Variants in RPAP2 observed in about 807,000 individuals in gnomAD.
RPAP2 encodes the protein RNA polymerase II associated protein 2.
A neutral mutation model predicts 73.1 loss-of-function variants in RPAP2; 52 were observed. The ratio of observed to expected loss-of-function variants is 0.71; its 90% confidence interval spans 0.57 to 0.90. The LOEUF is 0.90. Among genes scored for constraint, RPAP2 ranks in the 40% least tolerant of loss-of-function variants. The pLI, the probability that RPAP2 is intolerant of heterozygous loss-of-function variation, is 0.00. For missense variants in RPAP2, 598 were observed against 701.8 expected (o/e 0.85, Z 1.67); for synonymous variants, 225 against 242.1 (o/e 0.93, Z 0.65).
intron 4 of RPAP2, 91 bp from the exon 5 acceptor site, chr1:92,304,193 A>G (rs1651050215): frequency 9.0e-7 from 1 of 1,105,640 alleles, no homozygotes; most frequent in South Asian, 1.3e-5. Context: ...GGATTGGCCA[A>G]TGATATGATA....
intron 7 of RPAP2, 29 bp from the exon 8 acceptor site, chr1:92,323,416 A>C: frequency 7.0e-7 from 1 of 1,428,506 alleles, no homozygotes; most frequent in Non-Finnish European, 9.5e-7. Flanking sequence ...TTTTTTATTT[A>C]GTTATTTTAT....
intron 8 of RPAP2, among the ~76,000 whole-genome samples, chr1:92,330,497 G>A (rs1413663104): frequency 7.6e-6 from 1 of 130,796 alleles, no homozygotes; most frequent in African/African-American, 2.9e-5. Flanking sequence ...GCCCAGTCTG[G>A]AGTGCAATGG....
chr1:92,315,111 CA>C (rs752090057), intron 6 of RPAP2, among the ~76,000 whole-genome samples: 422 of 135,602 alleles, frequency 3.1e-3, no homozygotes, highest in East Asian at 4.6e-3. Flanking sequence ...GTTGCAGTCT[CA>C]AAAAAAAAAA....
rs1278790315 is a variant in RPAP2, at chr1:92,399,882, C to T, written c.*12871C>T. On this transcript the variant is annotated 3_prime_UTR_variant, in exon 13 of 13. Transcript: ENST00000610020. ...AAAGTCAACCAGAATGACTCTTAACCTCTCTTGTCTGGGTTGGGCATCCAG... is the reference window on the plus strand; with the variant it reads ...AAAGTCAACCAGAATGACTCTTAACTTCTCTTGTCTGGGTTGGGCATCCAG... 6.6e-6 allele frequency: 1 copy of T among 152,126 alleles called. No homozygotes were observed. The highest frequency in any genetic ancestry group is 1.5e-5 in the Non-Finnish European group (1 of 68,026). 9.4% of individuals were successfully genotyped at this position (152,126 alleles called of 1,614,324 possible).
Position 92,336,392 on chromosome 1 carries a change from T to A in RPAP2, c.1584T>A (p.Ile528=), listed in dbSNP as rs753921045. The A allele has an allele frequency of 6.2e-7, 1 of 1,610,780 alleles. No homozygotes were observed. Among genetic ancestry groups the A allele is most frequent in the Admixed American group, 1.7e-5 (1 of 59,922 alleles). ...CTCTTCAGATTACATTGGGAGATATTTACACACAACTTAAAAATCTTGTTC... is the reference window on the plus strand; with the variant it reads ...CTCTTCAGATTACATTGGGAGATATATACACACAACTTAAAAATCTTGTTC... ...LVPLQITLGD[I]YTQLKNLVRT... Residue 528 remains isoleucine (I), a synonymous_variant, in exon 10 of 13, where the codon ATT becomes ATA. Transcript: ENST00000610020.
chr1:92,334,464 A>G (rs1653153660), intron 9 of RPAP2, among the ~76,000 whole-genome samples: 1 of 152,218 alleles, frequency 6.6e-6, no homozygotes, highest in Admixed American at 6.5e-5. Context: ...TATATAAGAA[A>G]GTGCCTTTGT....
intron 11 of RPAP2, among the ~76,000 whole-genome samples, chr1:92,370,004 C>T (rs1047618576): frequency 6.6e-6 from 1 of 152,200 alleles, no homozygotes; most frequent in Non-Finnish European, 1.5e-5. Flanking sequence ...TGTGCCTCAT[C>T]CTCCCAAGTA....
At chr1:92,326,775 C>A (rs974937997) in intron 8 of RPAP2, among the ~76,000 whole-genome samples, 11 of 152,162 alleles carry the variant, frequency 7.2e-5, no homozygotes, top group African/African-American at 2.2e-4. Flanking sequence ...CCCATGCAAC[C>A]CAAAAGACCA....
In RPAP2 at chr1:92,400,306, C is replaced by CA. The variant is rs1387713171; in HGVS notation, c.*13296dup. ...TTACGGAGGGGATCCTGGTTGGAGT[C>CA]AGAGTATACCTTGGTTTGGTTTTGT... On this transcript the variant is annotated 3_prime_UTR_variant, in exon 13 of 13. Coordinates refer to ENST00000610020, the MANE Select transcript of RPAP2 (RefSeq NM_024813.3). 1 of 152,338 alleles carries CA rather than the reference C, an allele frequency of 6.6e-6. No individual in the cohort carries two copies. Among genetic ancestry groups the CA allele is most frequent in the East Asian group, 1.9e-4 (1 of 5,166 alleles). 9.4% of individuals were successfully genotyped at this position (152,338 alleles called of 1,614,324 possible).
At chr1:92,386,534 G>T (rs1207706207) in intron 12 of RPAP2, among the ~76,000 whole-genome samples, 1 of 152,166 alleles carries the variant, frequency 6.6e-6, no homozygotes, top group Non-Finnish European at 1.5e-5. Flanking sequence ...AGTTGACCTT[G>T]ATCAGTTAAA....
At chr1:92,364,133 A>C (rs1654837555) in intron 11 of RPAP2, among the ~76,000 whole-genome samples, 1 of 152,120 alleles carries the variant, frequency 6.6e-6, no homozygotes, top group Non-Finnish European at 1.5e-5. Context: ...TTGACAAGTG[A>C]CATTAAGTAT....
intron 8 of RPAP2, among the ~76,000 whole-genome samples, chr1:92,326,887 T>G (rs1303146421): frequency 6.6e-6 from 1 of 152,206 alleles, no homozygotes; most frequent in African/African-American, 2.4e-5. Context: ...CTCTCACCTG[T>G]GAGAACAAGT....
intron 6 of RPAP2, among the ~76,000 whole-genome samples, chr1:92,312,902 A>G (rs1232483932): frequency 1.3e-5 from 2 of 150,974 alleles, no homozygotes; most frequent in African/African-American, 4.9e-5. Flanking sequence ...GCTCACTACA[A>G]CCTCTGCCTC....
intron 11 of RPAP2, 124 bp from the exon 12 acceptor site, chr1:92,380,600 G>A (rs762473024): frequency 1.2e-5 from 7 of 569,468 alleles, no homozygotes; most frequent in Non-Finnish European, 1.7e-5. Flanking sequence ...CTTCTCTCTG[G>A]GAGTTTAGTT....
chr1:92,314,927 C>T (rs1341444100), intron 6 of RPAP2, among the ~76,000 whole-genome samples: 1 of 151,954 alleles, frequency 6.6e-6, no homozygotes, highest in Non-Finnish European at 1.5e-5. Flanking sequence ...CGCCTGTAAT[C>T]CCAGCTACTC....
chr1:92,332,033 GT>G (rs1037974423), intron 8 of RPAP2, among the ~76,000 whole-genome samples: 3 of 150,204 alleles, frequency 2.0e-5, no homozygotes, highest in South Asian at 2.1e-4. Context: ...TTCTTTTAAG[GT>G]TTTTTTTTGT....
chr1:92,371,319 A>AAATATATATATATATAT (rs1199565882), intron 11 of RPAP2, among the ~76,000 whole-genome samples: 21 of 61,704 alleles, frequency 3.4e-4, no homozygotes, highest in African/African-American at 1.4e-3. Context: ...AAAAAAAAAA[A>AAATATATATATATATAT]ATATATATAT....
At chr1:92,384,008 G>A (rs557501624) in intron 12 of RPAP2, among the ~76,000 whole-genome samples, 3 of 149,650 alleles carry the variant, frequency 2.0e-5, no homozygotes, top group Admixed American at 2.0e-4. Flanking sequence ...TTGCCAGGCT[G>A]GAATGCAGTG....
chr1:92,355,269 C>T (rs1325220635), intron 11 of RPAP2, among the ~76,000 whole-genome samples: 3 of 152,002 alleles, frequency 2.0e-5, no homozygotes, highest in Admixed American at 2.0e-4. Flanking sequence ...TGGATATATC[C>T]TATTTTTGTT....
Sources: allele counts gnomAD v4.1 joint callset (sites outside exome capture counted in the v4.1 genomes callset), GRCh38; gene constraint gnomAD v4.1.1; transcripts MANE v1.5; gene names NCBI Gene and HGNC (gene_info 2026-07-23, HGNC 2026-07-21).